The following TMEM232 variants were observed in gnomAD, a reference collection of about 807,000 sequenced individuals.
TMEM232 encodes transmembrane protein 232.
A neutral mutation model predicts 78.8 loss-of-function variants in TMEM232; 80 were observed. The observed-to-expected ratio is 1.01, with a 90% CI of 0.85 to 1.22. TMEM232 has a LOEUF of 1.22. TMEM232 is among the 50% of genes most tolerant of loss of function. The pLI is 0.00. For missense variants in TMEM232, 881 were observed against 742.2 expected, an observed-to-expected ratio of 1.19 and a Z score of -2.17; for synonymous variants, 297 against 254.3, an observed-to-expected ratio of 1.17 and a Z score of -1.60.
intron 10 of TMEM232, among the ~76,000 whole-genome samples, chr5:110,593,598 T>C (rs1779793249): frequency 6.6e-6 from 1 of 152,096 alleles, no homozygotes; most frequent in Non-Finnish European, 1.5e-5. Flanking sequence ...TTCTTGCTTA[T>C]TTGTGGGAGC....
rs1580349253 is a variant in TMEM232, at chr5:110,609,478, T to A, written c.903-3191A>T. The stretch of plus-strand genomic sequence containing the variant: ...CCAATCCTTTATCTTAAGGTACTGA[T>A]TTTTTTTTTAAGTAGTGAGAGTATT... On this transcript the variant is annotated intron_variant, in intron 8 of 13. Coordinates refer to ENST00000455884, the MANE Select transcript of TMEM232 (RefSeq NM_001039763.4). 7.5e-5 allele frequency among the ~76,000 whole-genome samples: 11 copies of A among 147,392 alleles called. No homozygotes were observed. The South Asian group carries it at 2.3e-3, about 31-fold the overall frequency.
chr5:110,729,370 C>T (rs998253402), upstream of TMEM232, among the ~76,000 whole-genome samples: 2 of 152,194 alleles, frequency 1.3e-5, no homozygotes, highest in Non-Finnish European at 2.9e-5. Flanking sequence ...ACGCATACCA[C>T]CCCCTGCTCC....
chr5:110,652,290 G>GCGCGCA (rs1554069147), intron 2 of TMEM232, among the ~76,000 whole-genome samples: 4 of 6,368 alleles, frequency 6.3e-4, no homozygotes, highest in African/African-American at 1.3e-3. Context: ...AAGTGCACGC[G>GCGCGCA]CGCGCACACA....
intron 12 of TMEM232, among the ~76,000 whole-genome samples, chr5:110,447,476 C>A (rs1759794338): frequency 1.3e-5 from 2 of 152,040 alleles, no homozygotes; most frequent in African/African-American, 4.8e-5. Flanking sequence ...TGACAAATGC[C>A]AGTCCTATAT....
chr5:110,524,953 G>A (rs1278539971), intron 12 of TMEM232, among the ~76,000 whole-genome samples: 1 of 151,686 alleles, frequency 6.6e-6, no homozygotes, highest in East Asian at 1.9e-4. Context: ...TGTAAGTATA[G>A]CCACACCTGC....
At chr5:110,536,693 C>G (rs1473723767) in intron 11 of TMEM232, among the ~76,000 whole-genome samples, 2 of 152,000 alleles carry the variant, frequency 1.3e-5, no homozygotes, top group African/African-American at 4.8e-5. Context: ...CCTAGCTATG[C>G]AAAGAATGTT....
chr5:110,712,792 C>T lies in TMEM232; in HGVS notation c.-13+13835G>A, dbSNP rs953056214. On this transcript the variant is annotated intron_variant, in intron 1 of 13. Coordinates refer to ENST00000455884, the MANE Select transcript of TMEM232 (RefSeq NM_001039763.4). Reference sequence around the variant, plus strand: ...GAGAGAATGTGGAGAAAAGGGAGCCCACCATACCTTGTTGGTGGGAATACA... The same window carrying T: ...GAGAGAATGTGGAGAAAAGGGAGCCTACCATACCTTGTTGGTGGGAATACA... Among the ~76,000 whole-genome samples the T allele has an allele frequency of 5.3e-5, 8 of 152,176 alleles. No homozygotes were observed. The South Asian group carries it at 1.2e-3, about 24-fold the overall frequency.
chr5:110,408,676 T>G (rs1755882126), intron 2 of TMEM232, among the ~76,000 whole-genome samples: 1 of 151,994 alleles, frequency 6.6e-6, no homozygotes, highest in Non-Finnish European at 1.5e-5. Context: ...AATTCACAAA[T>G]TTTTGGTTAG....
chr5:110,452,076 G>T (rs1760362535), intron 12 of TMEM232, among the ~76,000 whole-genome samples: 1 of 152,160 alleles, frequency 6.6e-6, no homozygotes, highest in East Asian at 1.9e-4. Flanking sequence ...TACTTCTAAA[G>T]TAAAGCTGGC....
At chr5:110,567,575 A>G (rs986042099) in intron 11 of TMEM232, among the ~76,000 whole-genome samples, 1 of 151,944 alleles carries the variant, frequency 6.6e-6, no homozygotes, top group Non-Finnish European at 1.5e-5. Context: ...AAGCTTCTAA[A>G]TTATAATTTA....
chr5:110,484,760 G>A (rs1290552563), intron 12 of TMEM232, among the ~76,000 whole-genome samples: 2 of 151,976 alleles, frequency 1.3e-5, no homozygotes, highest in Non-Finnish European at 1.5e-5. Context: ...ATAACAGCAA[G>A]TGTTATATAT....
At chr5:110,600,313 G>C (rs1780726414) in intron 10 of TMEM232, among the ~76,000 whole-genome samples, 2 of 152,122 alleles carry the variant, frequency 1.3e-5, no homozygotes, top group South Asian at 2.1e-4. Flanking sequence ...ACTAAGATCA[G>C]AGCAGAACTG....
Position 110,422,944 on chromosome 5 carries a change from C to G in TMEM232, c.1797+1879G>C, listed in dbSNP as rs180846449. On this transcript the variant is annotated intron_variant, in intron 13 of 13. Transcript: ENST00000455884. ...CTATGGGAAATGGAAGCACCATTTA[C>G]TGCTTTATTCAACTTATTCACTCAG... is the stretch of plus-strand genomic sequence containing the variant. 7.2e-4 allele frequency among the ~76,000 whole-genome samples: 109 copies of G among 152,246 alleles called. 1 individual carries two copies. The highest frequency in any genetic ancestry group is 1.0e-4 in the Non-Finnish European group (7 of 68,000).
intron 1 of TMEM232, among the ~76,000 whole-genome samples, chr5:110,710,892 A>G (rs1170685934): frequency 6.6e-6 from 1 of 152,192 alleles, no homozygotes; most frequent in Non-Finnish European, 1.5e-5. Flanking sequence ...GTTATTCAAC[A>G]TAGTACTGGA....
intron 12 of TMEM232, among the ~76,000 whole-genome samples, chr5:110,505,478 T>C (rs949434476): frequency 2.0e-5 from 3 of 152,114 alleles, no homozygotes; most frequent in Non-Finnish European, 2.9e-5. Context: ...GTACCCAACA[T>C]GTCCGAAATA....
At chr5:110,443,611 A>G (rs574764298) in intron 12 of TMEM232, among the ~76,000 whole-genome samples, 1 of 152,116 alleles carries the variant, frequency 6.6e-6, no homozygotes, top group Non-Finnish European at 1.5e-5. Flanking sequence ...TAAGGTGCAA[A>G]ACAAAGTCCT....
chr5:110,607,069 C>T (rs1781626145), intron 8 of TMEM232, among the ~76,000 whole-genome samples: 1 of 151,846 alleles, frequency 6.6e-6, no homozygotes, highest in Admixed American at 6.6e-5. Flanking sequence ...ATTTCAGGCC[C>T]ATAAGTTCAA....
intron 11 of TMEM232, among the ~76,000 whole-genome samples, chr5:110,551,797 C>T (rs1347590076): frequency 6.6e-6 from 1 of 152,098 alleles, no homozygotes; most frequent in African/African-American, 2.4e-5. Flanking sequence ...ATTGGGCTGA[C>T]AATTGATTTC....
chr5:110,475,440 CTTTGA>C (rs1171002148), intron 12 of TMEM232, among the ~76,000 whole-genome samples: 17 of 102,504 alleles, frequency 1.7e-4, no homozygotes, highest in Non-Finnish European at 3.1e-4. Flanking sequence ...TCTATTTATA[CTTTGA>C]TTTTTTTTTT....
Sources: gnomAD v4.1 joint callset for allele counts (sites outside exome capture counted in the v4.1 genomes callset) on GRCh38, gnomAD v4.1.1 for gene constraint, MANE v1.5 for transcripts, NCBI Gene and HGNC (gene_info 2026-07-23, HGNC 2026-07-21) for gene names.